Variants in STIM2 observed in about 807,000 individuals in gnomAD.
The protein encoded by STIM2 is stromal interaction molecule 2.
Under a neutral mutation model 85.8 loss-of-function variants are expected in STIM2, and 31 were observed. The ratio of observed to expected loss-of-function variants is 0.36; its 90% CI spans 0.27 to 0.49. STIM2 has a LOEUF of 0.49. Ranked by LOEUF, STIM2 falls within the 20% of genes least tolerant of loss-of-function variation. STIM2 has a pLI of 0.98. For missense variants in STIM2, 841 were observed against 927.6 expected, an observed-to-expected ratio of 0.91 and a Z score of 1.21; for synonymous variants, 356 against 331.1, an observed-to-expected ratio of 1.08 and a Z score of -0.82.
At chr4:26,968,025 G>A (rs574928568) in intron 3 of STIM2, among the ~76,000 whole-genome samples, 46 of 152,140 alleles carry the variant, frequency 3.0e-4, no homozygotes, top group African/African-American at 1.1e-3. Context: ...AAAAAAATTC[G>A]CCAGTCTTGG....
intron 1 of STIM2, among the ~76,000 whole-genome samples, chr4:26,898,803 A>G (rs1011261325): frequency 2.0e-5 from 3 of 152,138 alleles, no homozygotes; most frequent in African/African-American, 7.2e-5. Context: ...AAGGCATTTT[A>G]TGCATTTTGA....
Position 27,022,855 on chromosome 4 carries a change from A to G in STIM2, c.2100A>G (p.Ser700=). The G allele has an allele frequency of 1.2e-6, 2 of 1,614,206 alleles. No homozygotes were observed. The highest frequency in any genetic ancestry group is 1.7e-6 in the Non-Finnish European group (2 of 1,180,044). ...AACCTCGCCACACATCATGTTCCTC[A>G]GCTGGCAACGACAGTAAACCAGTTC... is the stretch of plus-strand genomic sequence containing the variant. Residue 700 remains serine (S), a synonymous_variant, in exon 12 of 12, where the codon TCA becomes TCG. Coordinates refer to ENST00000467087, the MANE Select transcript of STIM2 (RefSeq NM_020860.4).
chr4:26,929,389 T>A (rs186218189), intron 2 of STIM2, among the ~76,000 whole-genome samples: 2 of 152,270 alleles, frequency 1.3e-5, no homozygotes, highest in African/African-American at 4.8e-5. Flanking sequence ...CTTGTTAAGG[T>A]GTCTTTTTGA....
chr4:27,002,808 A>G, intron 6 of STIM2, 119 bp from the exon 7 acceptor site: 1 of 974,788 alleles, frequency 1.0e-6, no homozygotes, highest in Non-Finnish European at 1.4e-6. Context: ...CTAATGAAAA[A>G]TGCTATGATT....
chr4:27,001,210 C>T (rs188887250), intron 5 of STIM2, among the ~76,000 whole-genome samples: 110 of 152,324 alleles, frequency 7.2e-4, no homozygotes, highest in African/African-American at 2.5e-3. Flanking sequence ...CAGTTTTTCA[C>T]TGTGAGCTGT....
At chr4:26,923,439 G>A (rs1164886538) in intron 2 of STIM2, among the ~76,000 whole-genome samples, 1 of 151,748 alleles carries the variant, frequency 6.6e-6, no homozygotes, top group Non-Finnish European at 1.5e-5. Flanking sequence ...CTTCGTAAGT[G>A]AAGGAGAAAT....
At chr4:27,020,795 A>T (rs986611652) in intron 11 of STIM2, among the ~76,000 whole-genome samples, 2 of 152,166 alleles carry the variant, frequency 1.3e-5, no homozygotes, top group Admixed American at 6.5e-5. Context: ...TTGCTATGAG[A>T]GGTGCATTTG....
At chr4:26,920,292 G>C (rs1261715707) in intron 2 of STIM2, among the ~76,000 whole-genome samples, 1 of 152,148 alleles carries the variant, frequency 6.6e-6, no homozygotes, top group Non-Finnish European at 1.5e-5. Context: ...CTCAGAATCT[G>C]TGTGGAAGAA....
At chr4:26,998,640 C>T (rs1369429270) in intron 4 of STIM2, among the ~76,000 whole-genome samples, 1 of 151,988 alleles carries the variant, frequency 6.6e-6, no homozygotes, top group Non-Finnish European at 1.5e-5. Context: ...AGGCTGGGAG[C>T]GGTGGTTCAT....
chr4:26,967,488 T>A (rs1253769986), intron 3 of STIM2, among the ~76,000 whole-genome samples: 1 of 152,184 alleles, frequency 6.6e-6, no homozygotes, highest in African/African-American at 2.4e-5. Flanking sequence ...CAGGAAGGGA[T>A]AGACGGTAAT....
chr4:27,009,498 A>G (rs1399699641), intron 10 of STIM2, among the ~76,000 whole-genome samples: 2 of 152,222 alleles, frequency 1.3e-5, no homozygotes, highest in African/African-American at 2.4e-5. Context: ...AATTAGGGGA[A>G]GATCTTGGAA....
At position 27,022,563 on chromosome 4, in the gene STIM2, C is replaced by G; in HGVS notation, c.1808C>G (p.Ser603Cys). The change falls in exon 12 of 12, where the codon TCC becomes TGC. Residue 603 changes from serine (S) to cysteine (C), a missense_variant. Around this residue, in one of 3 missense-constraint regions of STIM2, gnomAD observed 293 missense variants for 284.5 expected, o/e 1.03. Transcript: ENST00000467087. Reference sequence around the variant, plus strand: ...TCAGAATGTGACTCCTTAAATTCTTCCATTGGAAGGAAACAGTCTCCTCCT... The same window carrying G: ...TCAGAATGTGACTCCTTAAATTCTTGCATTGGAAGGAAACAGTCTCCTCCT... 6.2e-7 allele frequency: 1 copy of G among 1,607,610 alleles called. No homozygotes were observed. Among genetic ancestry groups the G allele is most frequent in the Non-Finnish European group, 8.5e-7 (1 of 1,174,710 alleles).
intron 1 of STIM2, among the ~76,000 whole-genome samples, chr4:26,903,133 T>C (rs1471320749): frequency 6.6e-6 from 1 of 152,158 alleles, no homozygotes; most frequent in Non-Finnish European, 1.5e-5. Flanking sequence ...AAAAAAGTTT[T>C]TTTTGGCCTT....
rs2109150714 is a variant in STIM2 at position 27,023,293 on chromosome 4, A to G, written c.*297A>G. ...TTGTTCTCAGTGATGTATATGCAAC[A>G]TTTTGTTGAAAGCCACGATGGACTT... On this transcript the variant is annotated 3_prime_UTR_variant, in exon 12 of 12. Transcript: ENST00000467087. 3.2e-6 allele frequency: 1 copy of G among 310,444 alleles called. No homozygotes were observed. The highest frequency in any genetic ancestry group is 2.1e-5 in the African/African-American group (1 of 47,492). The allele number at this position is 310,444 out of a possible 1,614,324, so 19.2% of individuals were successfully genotyped here.
chr4:26,876,138 G>T (rs540229803), intron 1 of STIM2, among the ~76,000 whole-genome samples: 33 of 152,154 alleles, frequency 2.2e-4, no homozygotes, highest in Non-Finnish European at 4.0e-4. Flanking sequence ...CATGTTGACT[G>T]ATTTGGATGA....
At chr4:26,971,860 TC>T (rs1726968565) in intron 3 of STIM2, among the ~76,000 whole-genome samples, 1 of 152,232 alleles carries the variant, frequency 6.6e-6, no homozygotes, top group African/African-American at 2.4e-5. Context: ...TATTAATTCT[TC>T]CTATCCATGA....
At chr4:26,977,002 T>A (rs980270286) in intron 3 of STIM2, among the ~76,000 whole-genome samples, 2 of 152,094 alleles carry the variant, frequency 1.3e-5, no homozygotes, top group Non-Finnish European at 2.9e-5. Context: ...GTTATTTATG[T>A]GAAAAAATAA....
chr4:26,885,543 G>GT (rs2109039855), intron 1 of STIM2, among the ~76,000 whole-genome samples: 1 of 152,028 alleles, frequency 6.6e-6, no homozygotes, highest in Admixed American at 6.6e-5. Context: ...GAAAATAGGG[G>GT]TATCAAGGCT....
At chr4:26,861,695 ATTT>A (rs57976994) in intron 1 of STIM2, 72 of 124,100 alleles carry the variant, frequency 5.8e-4, no homozygotes, top group Middle Eastern at 4.1e-3. Flanking sequence ...GACTGGGCTG[ATTT>A]TTTTTTTTTT....
Sources: allele counts gnomAD v4.1 joint callset (sites outside exome capture counted in the v4.1 genomes callset), GRCh38; gene constraint gnomAD v4.1.1; regional missense constraint gnomAD v4.1.1; transcripts MANE v1.5; gene names NCBI Gene and HGNC (gene_info 2026-07-23, HGNC 2026-07-21).